Variants in MYEF2 observed in about 807,000 individuals in gnomAD.
MYEF2 encodes the protein myelin expression factor 2.
MYEF2 carries 37 observed loss-of-function variants against 75.2 expected under a neutral mutation model. The observed-to-expected ratio is 0.49, with a 90% CI of 0.38 to 0.65. The LOEUF is 0.65. MYEF2 is among the 30% of genes least tolerant of loss of function. The pLI, the probability that MYEF2 is intolerant of heterozygous loss-of-function variation, is 0.00. For synonymous variants in MYEF2, 195 were observed against 241.6 expected, an observed-to-expected ratio of 0.81 and a Z score of 1.79; for missense variants, 634 against 771.4, an observed-to-expected ratio of 0.82 and a Z score of 2.11.
intron 5 of MYEF2, among the ~76,000 whole-genome samples, chr15:48,165,459 C>A (rs959343015): frequency 2.6e-5 from 4 of 152,106 alleles, no homozygotes; most frequent in African/African-American, 9.6e-5. Flanking sequence ...ATTTCACTAA[C>A]AAAGTTATAA....
chr15:48,162,925 G>C (rs992219897), intron 5 of MYEF2: 4 of 152,084 alleles, frequency 2.6e-5, no homozygotes, highest in Non-Finnish European at 5.9e-5. Context: ...TTGAAATTAG[G>C]TCAGTTAATA....
intron 1 of MYEF2, among the ~76,000 whole-genome samples, chr15:48,169,452 T>A (rs1026780812): frequency 2.0e-5 from 3 of 152,206 alleles, no homozygotes; most frequent in Non-Finnish European, 4.4e-5. Flanking sequence ...TTATAAAGTA[T>A]CCTAATATTT....
At chr15:48,165,369 T>G (rs953975948) in intron 5 of MYEF2, among the ~76,000 whole-genome samples, 1 of 152,098 alleles carries the variant, frequency 6.6e-6, no homozygotes, top group African/African-American at 2.4e-5. Context: ...CTAGTCATTT[T>G]TTGTCAACCT....
At position 48,139,219 on chromosome 15, in the gene MYEF2, T is replaced by C; in HGVS notation, c.*3689A>G. The stretch of plus-strand genomic sequence containing the variant: ...ATAGCACAACTTGAAAATATTCATA[T>C]AAGAACAAATTGCATATGTTCACTC... On this transcript the variant is annotated 3_prime_UTR_variant, in exon 17 of 17. Transcript: ENST00000324324. The C allele has an allele frequency of 6.6e-7, 1 of 1,511,364 alleles. No individual in the cohort carries two copies. Among genetic ancestry groups the C allele is most frequent in the East Asian group, 2.3e-5 (1 of 43,972 alleles). 93.6% of individuals were successfully genotyped at this position (1,511,364 alleles called of 1,614,324 possible).
Position 48,158,155 on chromosome 15 carries a change from A to C in MYEF2, c.921+20T>G. The C allele has an allele frequency of 6.2e-7, 1 of 1,612,858 alleles. No homozygotes were observed. The highest frequency in any genetic ancestry group is 1.1e-5 in the South Asian group (1 of 91,000). On this transcript the variant is annotated intron_variant, in intron 8 of 16. Coordinates refer to ENST00000324324, the MANE Select transcript of MYEF2 (RefSeq NM_016132.5). Reference sequence around the variant, plus strand: ...AAGATCTGAAGAGGTTGGAGGTTGAAGTGATATACAGGAACTCACCATTTT... The same window carrying C: ...AAGATCTGAAGAGGTTGGAGGTTGACGTGATATACAGGAACTCACCATTTT...
rs780337320 is a variant in MYEF2 at position 48,142,328 on chromosome 15, A to AAT, written c.*579_*580insAT. On this transcript the variant is annotated 3_prime_UTR_variant, in exon 17 of 17. Transcript: ENST00000324324. ...TGAACTTGGAATTATTGGAAATAAT[A>AAT]AAATAAGGGGCTGTGGAGGTTGATA... is the stretch of plus-strand genomic sequence containing the variant. The AAT allele has an allele frequency of 6.2e-7, 1 of 1,607,024 alleles. No homozygotes were observed. Among genetic ancestry groups the AAT allele is most frequent in the South Asian group, 1.1e-5 (1 of 90,344 alleles).
rs2039027941 is a variant in MYEF2, at chr15:48,140,400, A to G, written c.*2508T>C. On this transcript the variant is annotated 3_prime_UTR_variant, in exon 17 of 17. Transcript: ENST00000324324. The stretch of plus-strand genomic sequence containing the variant: ...AAAAAAAAAGAGAAAGAAAAAAAAG[A>G]CGCTAAACCAAGTTTTCAATTACAA... 1 of 152,118 alleles carries G rather than the reference A, an allele frequency of 6.6e-6. No individual in the cohort carries two copies. The highest frequency in any genetic ancestry group is 1.5e-5 in the Non-Finnish European group (1 of 67,988). 9.4% of individuals were successfully genotyped at this position (152,118 alleles called of 1,614,324 possible).
intron 1 of MYEF2, among the ~76,000 whole-genome samples, chr15:48,169,621 G>A (rs1260614651): frequency 2.7e-5 from 4 of 149,234 alleles, no homozygotes; most frequent in Non-Finnish European, 4.4e-5. Flanking sequence ...TTTTTGAGAC[G>A]GAGTTTTGCT....
Position 48,139,668 on chromosome 15 carries a change from CATA to C in MYEF2, c.*3237_*3239del, listed in dbSNP as rs1404741392. Reference sequence around the variant, plus strand: ...CATATTATGAAATGAGTGAAAAGGGCATAATAATTTTATTCTAGGTTTCTACTA... The same window carrying C: ...CATATTATGAAATGAGTGAAAAGGGCATAATTTTATTCTAGGTTTCTACTA... On this transcript the variant is annotated 3_prime_UTR_variant, in exon 17 of 17. Coordinates refer to ENST00000324324, the MANE Select transcript of MYEF2 (RefSeq NM_016132.5). The C allele has an allele frequency of 8.5e-5, 13 of 152,322 alleles. No individual in the cohort carries two copies. The highest frequency in any genetic ancestry group is 1.6e-4 in the Non-Finnish European group (11 of 68,220). 9.4% of individuals were successfully genotyped at this position (152,322 alleles called of 1,614,324 possible).
rs1481010269 is a variant in MYEF2, at chr15:48,149,081, T to C, written c.1590A>G (p.Leu530=). ...GTTTCTGCCAAGTCAAGTCAAAAGG[T>C]AGCTAGAATGAAAAGAGGTATTAGT... ...SKGNQIFVRN[L]PFDLTWQKLK... Residue 530 remains leucine, a splice_region_variant and synonymous_variant, in exon 16 of 17, where the codon CTA becomes CTG. Transcript: ENST00000324324. This position sits in a 1 kb window ranked among gnomAD's most constrained non-coding sequence, Gnocchi z 4.0. The C allele has an allele frequency of 2.5e-6, 4 of 1,613,102 alleles. No homozygotes were observed. Among genetic ancestry groups the C allele is most frequent in the South Asian group, 2.2e-5 (2 of 91,068 alleles).
chr15:48,168,584 G>T (rs763692989), intron 2 of MYEF2, 47 bp downstream of exon 2: 2 of 1,471,268 alleles, frequency 1.4e-6, no homozygotes, highest in Admixed American at 1.7e-5. Context: ...TCCCTCCCCT[G>T]CCTATATGAA....
intron 10 of MYEF2, chr15:48,153,318 T>A (rs1156435248): frequency 8.6e-5 from 13 of 152,042 alleles, no homozygotes; most frequent in Admixed American, 8.5e-4. Context: ...CATTTTCGGG[T>A]TCTCAACAAA....
chr15:48,176,937 G>A (rs1221065649), intron 1 of MYEF2, among the ~76,000 whole-genome samples: 1 of 152,182 alleles, frequency 6.6e-6, no homozygotes, highest in Non-Finnish European at 1.5e-5. Context: ...GAGAGCAAGA[G>A]TGTCAAAGAG....
intron 1 of MYEF2, among the ~76,000 whole-genome samples, chr15:48,172,727 C>T (rs1304665572): frequency 6.6e-6 from 1 of 151,902 alleles, no homozygotes; most frequent in Admixed American, 6.6e-5. Flanking sequence ...TCATAAGAAA[C>T]TACTATTAAC....
Position 48,160,012 on chromosome 15 carries a change from A to AC in MYEF2, c.526-209_526-208insG, listed in dbSNP as rs2039875899. ...TTTCAGCCTCCAGAGATGTCAGTTA[A>AC]TTTTTTTTTCCAATCACTAAAGCCA... is the stretch of plus-strand genomic sequence containing the variant. On this transcript the variant is annotated intron_variant, in intron 5 of 16. Transcript: ENST00000324324. Among the ~76,000 whole-genome samples the AC allele has an allele frequency of 2.0e-5, 3 of 151,644 alleles. No homozygotes were observed. The South Asian group carries it at 6.2e-4, about 32-fold the overall frequency.
chr15:48,158,372 CA>C (rs2140879460), intron 7 of MYEF2, 148 bp from the exon 8 acceptor site: 4 of 668,510 alleles, frequency 6.0e-6, no homozygotes, highest in South Asian at 2.2e-5. Flanking sequence ...TTCATATACT[CA>C]AAAAAATATT....
rs1369889417 is a variant in MYEF2 at position 48,136,343 on chromosome 15, CACT to C, written c.*6562_*6564del. The C allele has an allele frequency of 2.8e-5, 5 of 177,968 alleles. No homozygotes were observed. Among genetic ancestry groups the C allele is most frequent in the Non-Finnish European group, 5.8e-5 (5 of 86,038 alleles). The allele number at this position is 177,968 out of a possible 1,614,324, so 11.0% of individuals were successfully genotyped here. Reference sequence around the variant, plus strand: ...ATGAGCTGAGGCAGAAAATGTTCACCACTATTTATTAATTTTACATTTATTTTG... The same window carrying C: ...ATGAGCTGAGGCAGAAAATGTTCACCATTTATTAATTTTACATTTATTTTG... On this transcript the variant is annotated 3_prime_UTR_variant, in exon 17 of 17. Transcript: ENST00000324324.
At chr15:48,168,553 G>A in intron 2 of MYEF2, 78 bp downstream of exon 2, 1 of 1,140,892 alleles carries the variant, frequency 8.8e-7, no homozygotes, top group Non-Finnish European at 1.3e-6. Flanking sequence ...TGGCTCAGAG[G>A]AATAAAAATG....
intron 6 of MYEF2, among the ~76,000 whole-genome samples, 186 bp downstream of exon 6, chr15:48,159,427 C>T (rs951194313): frequency 1.3e-5 from 2 of 151,884 alleles, no homozygotes; most frequent in Non-Finnish European, 2.9e-5. Flanking sequence ...AAACTCTAAC[C>T]TTGTGCGTGT....
Sources: allele counts gnomAD v4.1 joint callset (sites outside exome capture counted in the v4.1 genomes callset), GRCh38; gene constraint gnomAD v4.1.1; non-coding constraint Gnocchi (gnomAD v3.1); transcripts MANE v1.5; gene names NCBI Gene and HGNC (gene_info 2026-07-23, HGNC 2026-07-21).